TBC1D4: variants seen among roughly 807,000 people sequenced by gnomAD.
TBC1D4 encodes TBC (Tre-2, BUB2, CDC16) domain-containing protein.
Under a neutral mutation model 142.5 loss-of-function variants are expected in TBC1D4, and 121 were observed. The ratio of observed to expected loss-of-function variants is 0.85; its 90% CI spans 0.73 to 0.99. TBC1D4 has a LOEUF of 0.99. Among genes scored for constraint, TBC1D4 ranks in the 50% least tolerant of loss-of-function variants. TBC1D4 has a pLI of 0.00. For missense variants in TBC1D4, 1,475 were observed against 1,606.6 expected (o/e 0.92, Z 1.40); for synonymous variants, 630 against 628.2 (o/e 1.00, Z -0.04).
intron 1 of TBC1D4, among the ~76,000 whole-genome samples, chr13:75,455,652 G>A (rs1887702899): frequency 6.6e-6 from 1 of 151,930 alleles, no homozygotes; most frequent in Admixed American, 6.6e-5. Flanking sequence ...AATAAAATGA[G>A]GAAAAATGAT....
At position 75,362,326 on chromosome 13, in the gene TBC1D4, G is replaced by C; in HGVS notation, c.780C>G (p.Pro260=). The C allele has an allele frequency of 1.2e-6, 2 of 1,614,012 alleles. No homozygotes were observed. Among genetic ancestry groups the C allele is most frequent in the Non-Finnish European group, 1.7e-6 (2 of 1,180,026 alleles). Residue 260 remains proline (P), a synonymous_variant, in exon 2 of 21, where the codon CCC becomes CCG. Transcript: ENST00000377636. This position sits in a 1 kb window ranked among gnomAD's most constrained non-coding sequence, Gnocchi z 4.2. ...CCGGCAGGCAGTCTCCGGGGGACCCGGGCACCACCACCTCCAAGTCAGCCA... is the reference window on the plus strand; with the variant it reads ...CCGGCAGGCAGTCTCCGGGGGACCCCGGCACCACCACCTCCAAGTCAGCCA... ...EDLADLEVVV[P]GSPGDCLPEE... is the part of the protein sequence containing the mutation.
At chr13:75,307,615 G>C (rs574050306) in intron 14 of TBC1D4, among the ~76,000 whole-genome samples, 2 of 151,990 alleles carry the variant, frequency 1.3e-5, no homozygotes, top group Non-Finnish European at 2.9e-5. Flanking sequence ...CCAAGTCCTC[G>C]ACAGCACAAA....
In TBC1D4 at chr13:75,481,355, TAGGTG is replaced by T; in HGVS notation, c.408_412del (p.Thr137LeufsTer31). On this transcript the variant is annotated frameshift_variant, in exon 1 of 21. Transcript: ENST00000377636. LOFTEE classifies it high-confidence loss of function. ...CTGCGCCTTGATCAGGTAGGCAAAG[TAGGTG>T]AGGTCGTGGCTGTTGTGGATGAAGC... The T allele has an allele frequency of 6.2e-7, 1 of 1,613,818 alleles. No individual in the cohort carries two copies. The highest frequency in any genetic ancestry group is 8.5e-7 in the Non-Finnish European group (1 of 1,179,814).
At chr13:75,438,100 A>G (rs1345378707) in intron 1 of TBC1D4, among the ~76,000 whole-genome samples, 4 of 152,284 alleles carry the variant, frequency 2.6e-5, no homozygotes, top group South Asian at 4.1e-4. Context: ...GCTATATCCA[A>G]TAATTGATAT....
chr13:75,354,750 C>T (rs1881901243), intron 4 of TBC1D4, among the ~76,000 whole-genome samples: 1 of 152,092 alleles, frequency 6.6e-6, no homozygotes. Flanking sequence ...TTCTACCAAA[C>T]TGTTACTTGG....
At chr13:75,361,903 G>A (rs1882552525) in intron 2 of TBC1D4, 123 bp downstream of exon 2, 2 of 1,210,870 alleles carry the variant, frequency 1.7e-6, no homozygotes, top group African/African-American at 1.5e-5. Flanking sequence ...TGCTTTGAAG[G>A]GGAAAACAAA....
At chr13:75,402,696 C>CACACACACAT (rs3220141) in intron 1 of TBC1D4, among the ~76,000 whole-genome samples, 1 of 146,946 alleles carries the variant, frequency 6.8e-6, no homozygotes, top group African/African-American at 2.6e-5. Flanking sequence ...CACACACACA[C>CACACACACAT]AGTATCATGC....
At chr13:75,419,462 T>C (rs768330346) in intron 1 of TBC1D4, among the ~76,000 whole-genome samples, 5 of 152,328 alleles carry the variant, frequency 3.3e-5, no homozygotes, top group South Asian at 2.1e-4. Flanking sequence ...TAAGAAAATA[T>C]AGAAGGCAAA....
intron 1 of TBC1D4, among the ~76,000 whole-genome samples, chr13:75,473,694 G>A (rs1488246697): frequency 1.3e-5 from 2 of 152,130 alleles, no homozygotes; most frequent in African/African-American, 2.4e-5. Flanking sequence ...AGTGAAACTT[G>A]GAAGAGATCA....
chr13:75,337,116 A>G, intron 7 of TBC1D4, 76 bp from the exon 8 acceptor site: 1 of 1,388,468 alleles, frequency 7.2e-7, no homozygotes, highest in African/African-American at 1.4e-5. Context: ...TAGGCTTAAG[A>G]CTAAGCTATT....
chr13:75,402,692 C>CACACACACAT (rs1401652574), intron 1 of TBC1D4, among the ~76,000 whole-genome samples: 1 of 147,436 alleles, frequency 6.8e-6, no homozygotes, highest in Admixed American at 6.8e-5. Flanking sequence ...CACACACACA[C>CACACACACAT]ACACAGTATC....
At chr13:75,434,669 G>A (rs1886725425) in intron 1 of TBC1D4, among the ~76,000 whole-genome samples, 1 of 151,464 alleles carries the variant, frequency 6.6e-6, no homozygotes. Flanking sequence ...TAAATAAAAA[G>A]CTTCAGATAA....
chr13:75,419,892 C>T (rs1886089740), intron 1 of TBC1D4, among the ~76,000 whole-genome samples: 1 of 152,290 alleles, frequency 6.6e-6, no homozygotes, highest in Middle Eastern at 3.4e-3. Flanking sequence ...ATATGACAAG[C>T]ACTGGAAGAA....
intron 1 of TBC1D4, among the ~76,000 whole-genome samples, chr13:75,389,072 T>C (rs1013600796): frequency 2.6e-5 from 4 of 152,382 alleles, no homozygotes; most frequent in Middle Eastern, 3.4e-3. Context: ...GCTTGGCGCA[T>C]AAGTGCTCAC....
chr13:75,287,014 A>G lies in TBC1D4; in HGVS notation c.3675T>C (p.Thr1225=). 6.2e-7 allele frequency: 1 copy of G among 1,610,724 alleles called. No individual in the cohort carries two copies. Among genetic ancestry groups the G allele is most frequent in the African/African-American group, 1.4e-5 (1 of 72,006 alleles). ...DLLEKLQVAH[T]KIQALESNLE... is the part of the protein sequence containing the mutation. ...GGTTTGATTCCAAGGCCTGGATTTT[A>G]GTATGAGCTACCTGTTTGGGGGGGA... Residue 1225 remains threonine, a synonymous_variant, in exon 21 of 21, where the codon ACT becomes ACC. Transcript: ENST00000377636.
At position 75,286,566 on chromosome 13, in the gene TBC1D4, T is replaced by C. The variant is rs995323299; in HGVS notation, c.*226A>G. 1.5e-5 allele frequency: 7 copies of C among 458,304 alleles called. No individual in the cohort carries two copies. The highest frequency in any genetic ancestry group is 2.7e-5 in the Non-Finnish European group (7 of 259,116). 28.4% of individuals were successfully genotyped at this position (458,304 alleles called of 1,614,324 possible). On this transcript the variant is annotated 3_prime_UTR_variant, in exon 21 of 21. Coordinates refer to ENST00000377636, the MANE Select transcript of TBC1D4 (RefSeq NM_014832.5). Reference sequence around the variant, plus strand: ...ATGAACTATGTTCATTTTATATATATATTTATATGTACATAGCAACAACAA... The same window carrying C: ...ATGAACTATGTTCATTTTATATATACATTTATATGTACATAGCAACAACAA...
intron 1 of TBC1D4, among the ~76,000 whole-genome samples, chr13:75,388,048 G>T (rs1340944187): frequency 1.3e-5 from 2 of 152,158 alleles, no homozygotes; most frequent in East Asian, 3.9e-4. Flanking sequence ...TAAAAGACAT[G>T]CAAATTCCCA....
chr13:75,450,975 A>T (rs1216887620), intron 1 of TBC1D4, among the ~76,000 whole-genome samples: 1 of 152,094 alleles, frequency 6.6e-6, no homozygotes, highest in East Asian at 1.9e-4. Context: ...AGAAGTTACC[A>T]CTCAGGAGCT....
At chr13:75,384,561 G>GA (rs11452903) in intron 1 of TBC1D4, among the ~76,000 whole-genome samples, 32,516 of 129,922 alleles carry the variant, frequency 0.25, 3,746 homozygotes, top group East Asian at 0.37. Flanking sequence ...AAAGATAAAG[G>GA]AAAAAAAAAA....
Sources: gnomAD v4.1 joint callset for allele counts (sites outside exome capture counted in the v4.1 genomes callset) on GRCh38, gnomAD v4.1.1 for gene constraint, Gnocchi (gnomAD v3.1) non-coding constraint, MANE v1.5 for transcripts, NCBI Gene and HGNC (gene_info 2026-07-23, HGNC 2026-07-21) for gene names.